ARHGAP23: variants seen among roughly 807,000 people sequenced by gnomAD.
ARHGAP23 encodes Rho GTPase activating protein 23.
Under a neutral mutation model 136.3 loss-of-function variants are expected in ARHGAP23, and 34 were observed. That is an observed-to-expected ratio of 0.25 (90% CI 0.19 to 0.33). ARHGAP23 has a LOEUF of 0.33. ARHGAP23 is among the 10% of genes least tolerant of loss of function. The probability of loss-of-function intolerance (pLI) is 1.00; values close to 1 mark genes in which losing one functional copy is unlikely to be tolerated. For missense variants in ARHGAP23, 1,808 were observed against 2,139.0 expected, an observed-to-expected ratio of 0.85 and a Z score of 3.05; for synonymous variants, 832 against 920.5, an observed-to-expected ratio of 0.90 and a Z score of 1.74.
chr17:38,503,611 C>T (rs1362808933), intron 23 of ARHGAP23, among the ~76,000 whole-genome samples: 2 of 152,202 alleles, frequency 1.3e-5, no homozygotes, highest in East Asian at 1.9e-4. Flanking sequence ...GTGGACTCAA[C>T]ACTGACCTCC....
intron 23 of ARHGAP23, 111 bp downstream of exon 23, chr17:38,500,739 G>A: frequency 9.8e-7 from 1 of 1,019,974 alleles, no homozygotes; most frequent in Non-Finnish European, 1.5e-6. Context: ...AAAGTTGATG[G>A]TCCCTGGGAG....
intron 15 of ARHGAP23, 127 bp from the exon 16 acceptor site, chr17:38,482,396 C>A (rs2040065209): frequency 1.9e-6 from 2 of 1,065,358 alleles, no homozygotes; most frequent in Non-Finnish European, 2.7e-6. Flanking sequence ...AGACTGGAGG[C>A]AGCAAGGGCC....
chr17:38,479,417 C>G lies in ARHGAP23; in HGVS notation c.2437-19C>G, dbSNP rs373425264. Reference sequence around the variant, plus strand: ...GCTGTGGGCACTGACATGATCCGCTCTCTCCTCTCCTGCTTCAGGACCCCG... The same window carrying G: ...GCTGTGGGCACTGACATGATCCGCTGTCTCCTCTCCTGCTTCAGGACCCCG... On this transcript the variant is annotated intron_variant, in intron 12 of 23. Transcript: ENST00000622683. 31 of 1,538,656 alleles carry G rather than the reference C, an allele frequency of 2.0e-5. No individual in the cohort carries two copies. Among genetic ancestry groups the G allele is most frequent in the Non-Finnish European group, 2.6e-5 (29 of 1,137,020 alleles).
chr17:38,491,801 G>A, intron 20 of ARHGAP23: 1 of 498,236 alleles, frequency 2.0e-6, no homozygotes. Flanking sequence ...AGATGCCTGG[G>A]AAAGGTAGAA....
chr17:38,454,472 G>A (rs2039277102), intron 1 of ARHGAP23, among the ~76,000 whole-genome samples: 1 of 152,170 alleles, frequency 6.6e-6, no homozygotes, highest in African/African-American at 2.4e-5. Context: ...AATCCCAGAG[G>A]GTATGGGTGG....
At chr17:38,500,749 G>C in intron 23 of ARHGAP23, 121 bp downstream of exon 23, 1 of 952,188 alleles carries the variant, frequency 1.1e-6, no homozygotes, top group South Asian at 1.4e-5. Flanking sequence ...GTCCCTGGGA[G>C]GGAAGGCAGG....
intron 1 of ARHGAP23, among the ~76,000 whole-genome samples, chr17:38,435,345 G>A (rs1356329208): frequency 6.6e-6 from 1 of 152,176 alleles, no homozygotes; most frequent in Non-Finnish European, 1.5e-5. Context: ...GGGTTGTAGA[G>A]AAGTGCCCAG....
In ARHGAP23 at chr17:38,469,529, A is replaced by G; in HGVS notation, c.1810A>G (p.Ile604Val). 6 of 1,548,172 alleles carry G rather than the reference A, an allele frequency of 3.9e-6. No individual in the cohort carries two copies. The highest frequency in any genetic ancestry group is 5.2e-6 in the Non-Finnish European group (6 of 1,146,520). The change falls in exon 9 of 24, where the codon ATC becomes GTC. Residue 604 changes from isoleucine (I) to valine (V), a missense_variant. Around this residue, in one of 7 missense-constraint regions of ARHGAP23, gnomAD observed 859 missense variants for 936.4 expected, o/e 0.92. Transcript: ENST00000622683. ...CGATGTGGGCGGCTTTGCAGGCAGC[A>G]TCAAGGCTGGCCGCCGCTCCTCCTA... ...GRHYSQDCSSIKAGRRSSYLL... is the reference protein window; with the variant it reads ...GRHYSQDCSSVKAGRRSSYLL...
At chr17:38,428,124 T>C (rs2038596341), upstream of ARHGAP23, among the ~76,000 whole-genome samples, 1 of 152,148 alleles carries the variant, frequency 6.6e-6, no homozygotes, top group Non-Finnish European at 1.5e-5. Context: ...TAGTTCTGGG[T>C]TCGGTGCCCT....
At chr17:38,484,769 G>A (rs2040123875) in intron 16 of ARHGAP23, among the ~76,000 whole-genome samples, 1 of 152,198 alleles carries the variant, frequency 6.6e-6, no homozygotes, top group African/African-American at 2.4e-5. Context: ...GAGGTATATT[G>A]GGTGTGTTGT....
rs371847327 is a variant in ARHGAP23, at chr17:38,460,304, TC to T, written c.226-599del. Among the ~76,000 whole-genome samples, 499 of 152,294 alleles carry T rather than the reference TC, an allele frequency of 3.3e-3. 2 individuals are homozygous for T. Among genetic ancestry groups the T allele is most frequent in the African/African-American group, 0.012 (482 of 41,558 alleles). ...AACTTCCATTGGCTCCCTCTTTCTG[TC>T]CTGTAAGCCTGAGTGCTTTAGCCTG... On this transcript the variant is annotated intron_variant, in intron 2 of 23. Transcript: ENST00000622683.
intron 1 of ARHGAP23, among the ~76,000 whole-genome samples, chr17:38,437,123 T>C (rs1390091652): frequency 6.6e-6 from 1 of 152,076 alleles, no homozygotes; most frequent in East Asian, 1.9e-4. Context: ...AAGCATCAAA[T>C]TTCAAGCTGG....
At position 38,466,363 on chromosome 17, in the gene ARHGAP23, A is replaced by T; in HGVS notation, c.680A>T (p.Asp227Val). The T allele has an allele frequency of 6.5e-7, 1 of 1,538,830 alleles. No homozygotes were observed. The highest frequency in any genetic ancestry group is 2.5e-5 in the East Asian group (1 of 40,758). ...CCCCGGAGTCCTGCTGCCTGGAGTG[A>T]CCCGGGGCTCCGTGTGCCACCTGCT... Reference protein sequence around the residue: ...SDPRSPAAWSDPGLRVPPAAR... With the variant: ...SDPRSPAAWSVPGLRVPPAAR... The change falls in exon 7 of 24, where the codon GAC becomes GTC. Residue 227 changes from aspartate (D) to valine (V), a missense_variant. Transcript: ENST00000622683.
intron 23 of ARHGAP23, among the ~76,000 whole-genome samples, chr17:38,503,239 GGCAGGCAGTGTTGGCA>G (rs1162832573): frequency 6.6e-6 from 1 of 152,182 alleles, no homozygotes; most frequent in Non-Finnish European, 1.5e-5. Flanking sequence ...GGGGCACACT[GGCAGGCAGTGTTGGCA>G]GCAGGTCATT....
upstream of ARHGAP23, among the ~76,000 whole-genome samples, chr17:38,426,209 G>C (rs949868272): frequency 6.6e-6 from 1 of 151,944 alleles, no homozygotes; most frequent in Non-Finnish European, 1.5e-5. Context: ...AGGGCAGAAA[G>C]AGACAGGAAC....
rs1029268126 is a variant in ARHGAP23 at position 38,457,779 on chromosome 17, C to T, written c.64-323C>T. 2.6e-5 allele frequency: 12 copies of T among 462,364 alleles called. No homozygotes were observed. In the East Asian group the frequency reaches 5.1e-4, roughly 20 times the overall value. The allele number at this position is 462,364 out of a possible 1,614,324, so 28.6% of individuals were successfully genotyped here. A position where few individuals can be genotyped will look rare whatever the true frequency, so the allele number is the denominator to read the frequency against. On this transcript the variant is annotated intron_variant, in intron 1 of 23. Transcript: ENST00000622683. ...GGAAGGCTGTATCCAGGGTCCTGCA[C>T]ATAGTAGGTGCTCAGTGAACATTTG...
chr17:38,466,054 T>A, intron 6 of ARHGAP23, 113 bp from the exon 7 acceptor site: 3 of 586,828 alleles, frequency 5.1e-6, no homozygotes, highest in South Asian at 2.7e-5. Context: ...CCCCCACCGC[T>A]TGGTCCTCTC....
intron 17 of ARHGAP23, among the ~76,000 whole-genome samples, chr17:38,486,386 C>T (rs865909161): frequency 6.6e-6 from 1 of 151,970 alleles, no homozygotes; most frequent in Non-Finnish European, 1.5e-5. Context: ...CACCACCACA[C>T]CCAGCTAATT....
chr17:38,469,749 C>T (rs938426907), intron 9 of ARHGAP23, 98 bp from the exon 10 acceptor site: 35 of 1,502,252 alleles, frequency 2.3e-5, no homozygotes, highest in African/African-American at 9.7e-5. Flanking sequence ...GTGCCTCCCC[C>T]GCTGGAAGGC....
Sources: allele counts gnomAD v4.1 joint callset (sites outside exome capture counted in the v4.1 genomes callset), GRCh38; gene constraint gnomAD v4.1.1; regional missense constraint gnomAD v4.1.1; transcripts MANE v1.5; gene names NCBI Gene and HGNC (gene_info 2026-07-23, HGNC 2026-07-21).